Variants in ARID2 observed in about 807,000 individuals in gnomAD.
The protein encoded by ARID2 is AT-rich interaction domain 2.
A neutral mutation model predicts 184.6 loss-of-function variants in ARID2; 32 were observed. The observed-to-expected ratio is 0.17, with a 90% CI of 0.13 to 0.23. ARID2 has a LOEUF of 0.23. Ranked by LOEUF, ARID2 falls within the 10% of genes least tolerant of loss-of-function variation. ARID2 has a pLI of 1.00. For missense variants in ARID2, 1,696 were observed against 2,197.6 expected (o/e 0.77, Z 4.56); for synonymous variants, 836 against 772.6 (o/e 1.08, Z -1.36).
chr12:45,803,304 G>C (rs1420379106), intron 3 of ARID2, among the ~76,000 whole-genome samples: 1 of 152,042 alleles, frequency 6.6e-6, no homozygotes, highest in Non-Finnish European at 1.5e-5. Context: ...CTCTTCAGTA[G>C]TGTTTTCTTA....
At chr12:45,778,381 T>TAG (rs1220780569) in intron 3 of ARID2, among the ~76,000 whole-genome samples, 2 of 152,114 alleles carry the variant, frequency 1.3e-5, no homozygotes, top group Admixed American at 6.5e-5. Context: ...TAACTCTGGG[T>TAG]AGAGGCCAGG....
intron 3 of ARID2, among the ~76,000 whole-genome samples, chr12:45,747,106 ACT>A (rs1941375570): frequency 6.6e-6 from 1 of 152,152 alleles, no homozygotes; most frequent in African/African-American, 2.4e-5. Flanking sequence ...GGCATATTAT[ACT>A]GTCTTCCCCC....
chr12:45,770,660 G>T (rs1455141494), intron 3 of ARID2, among the ~76,000 whole-genome samples: 1 of 152,208 alleles, frequency 6.6e-6, no homozygotes, highest in Non-Finnish European at 1.5e-5. Flanking sequence ...GTGTGGCTGA[G>T]TCCAGGGTTT....
At chr12:45,837,910 C>T (rs569067832) in intron 10 of ARID2, among the ~76,000 whole-genome samples, 152 of 152,218 alleles carry the variant, frequency 1.0e-3, no homozygotes, top group African/African-American at 3.4e-3. Context: ...CATTCTTTAA[C>T]GTTATGCAAC....
At chr12:45,863,383 A>G (rs914224605) in intron 16 of ARID2, among the ~76,000 whole-genome samples, 3 of 152,208 alleles carry the variant, frequency 2.0e-5, no homozygotes, top group Non-Finnish European at 4.4e-5. Flanking sequence ...ATTGACCACT[A>G]AGTGGCTGTT....
At chr12:45,825,157 T>C (rs918182062) in intron 6 of ARID2, among the ~76,000 whole-genome samples, 2 of 152,012 alleles carry the variant, frequency 1.3e-5, no homozygotes, top group African/African-American at 4.8e-5. Flanking sequence ...AAAGAATAAA[T>C]AATAAATTCT....
intron 3 of ARID2, among the ~76,000 whole-genome samples, chr12:45,744,173 C>G (rs1941316159): frequency 6.6e-6 from 1 of 151,980 alleles, no homozygotes; most frequent in African/African-American, 2.4e-5. Context: ...TTTTCTTTGC[C>G]TTGTTGCTGA....
intron 3 of ARID2, among the ~76,000 whole-genome samples, chr12:45,795,556 C>T (rs1338612342): frequency 6.6e-6 from 1 of 152,116 alleles, no homozygotes; most frequent in Non-Finnish European, 1.5e-5. Flanking sequence ...CCTCAGCCTC[C>T]TGAGTAGCTG....
intron 16 of ARID2, among the ~76,000 whole-genome samples, chr12:45,887,447 A>G (rs1246692867): frequency 6.6e-6 from 1 of 152,178 alleles, no homozygotes; most frequent in Non-Finnish European, 1.5e-5. Context: ...TTGTTTTTAT[A>G]TACTTAAGTG....
At chr12:45,876,598 C>T (rs1944013519) in intron 16 of ARID2, among the ~76,000 whole-genome samples, 2 of 148,876 alleles carry the variant, frequency 1.3e-5, no homozygotes, top group African/African-American at 4.9e-5. Flanking sequence ...AGAACATTTA[C>T]ACTCCAAAAC....
intron 3 of ARID2, among the ~76,000 whole-genome samples, chr12:45,766,796 G>T (rs1304516622): frequency 2.6e-5 from 4 of 152,168 alleles, no homozygotes; most frequent in African/African-American, 9.7e-5. Flanking sequence ...TTACAGGCGT[G>T]AGCCACCGCG....
At chr12:45,888,888 T>C (rs1349670910) in intron 16 of ARID2, among the ~76,000 whole-genome samples, 5 of 152,184 alleles carry the variant, frequency 3.3e-5, no homozygotes, top group African/African-American at 1.2e-4. Context: ...AAGAGTATTA[T>C]TTTAATTTGT....
intron 3 of ARID2, among the ~76,000 whole-genome samples, chr12:45,738,091 T>TC (rs756976969): frequency 1.3e-5 from 2 of 152,180 alleles, no homozygotes; most frequent in Non-Finnish European, 2.9e-5. Flanking sequence ...GGTTTTTTTT[T>TC]CTCATAGAAC....
At chr12:45,876,436 G>C (rs1158767880) in intron 16 of ARID2, among the ~76,000 whole-genome samples, 1 of 152,138 alleles carries the variant, frequency 6.6e-6, no homozygotes, top group Non-Finnish European at 1.5e-5. Flanking sequence ...TGTAATCCCA[G>C]CTAGTAGGGA....
chr12:45,828,366 A>G (rs191504935), intron 6 of ARID2, among the ~76,000 whole-genome samples: 8 of 152,228 alleles, frequency 5.3e-5, no homozygotes, highest in African/African-American at 1.9e-4. Context: ...TTCTACTGTA[A>G]AAAGCAATAA....
At chr12:45,875,264 G>C (rs1943992375) in intron 16 of ARID2, among the ~76,000 whole-genome samples, 1 of 152,178 alleles carries the variant, frequency 6.6e-6, no homozygotes, top group South Asian at 2.1e-4. Context: ...TCAGTGAGTG[G>C]TACTGTTTTG....
intron 3 of ARID2, among the ~76,000 whole-genome samples, chr12:45,750,749 C>A (rs943800099): frequency 3.3e-5 from 5 of 152,146 alleles, no homozygotes; most frequent in Non-Finnish European, 7.4e-5. Flanking sequence ...TTATTGAACA[C>A]TTATTATTTG....
intron 11 of ARID2, among the ~76,000 whole-genome samples, chr12:45,845,057 A>G (rs575219627): frequency 1.4e-4 from 21 of 152,296 alleles, no homozygotes; most frequent in African/African-American, 4.1e-4. Flanking sequence ...AGTGCTCCTC[A>G]GTTTGTGGCT....
chr12:45,803,523 A>G (rs928089326), intron 3 of ARID2, among the ~76,000 whole-genome samples: 3 of 152,190 alleles, frequency 2.0e-5, no homozygotes, highest in African/African-American at 7.2e-5. Flanking sequence ...AGTTGTAAGC[A>G]TATTGCAAAG....
Sources: allele counts gnomAD v4.1 joint callset (sites outside exome capture counted in the v4.1 genomes callset), GRCh38; gene constraint gnomAD v4.1.1; transcripts MANE v1.5; gene names NCBI Gene and HGNC (gene_info 2026-07-23, HGNC 2026-07-21).